IQUB: variants seen among roughly 807,000 people sequenced by gnomAD.
IQUB encodes the protein IQ motif and ubiquitin domain containing.
In IQUB, 86 loss-of-function variants were observed where a neutral mutation model predicts 86.4. That is an observed-to-expected ratio of 1.00 (90% CI 0.84 to 1.19). The LOEUF (loss-of-function observed/expected upper bound fraction) is 1.19. Among genes scored for constraint, IQUB ranks in the 50% most tolerant of loss-of-function variants. The pLI is 0.00. For missense variants in IQUB, 946 were observed against 916.9 expected, an observed-to-expected ratio of 1.03 and a Z score of -0.41; for synonymous variants, 289 against 304.5, an observed-to-expected ratio of 0.95 and a Z score of 0.53.
Position 123,469,214 on chromosome 7 carries a change from C to T in IQUB, c.1581G>A (p.Lys527=). The T allele has an allele frequency of 1.9e-6, 3 of 1,552,322 alleles. No individual in the cohort carries two copies. Among genetic ancestry groups the T allele is most frequent in the Non-Finnish European group, 2.6e-6 (3 of 1,151,784 alleles). Reference sequence around the variant, plus strand: ...CCAAACTAAGAGAAAGTTAACATACCTTTACAGTGTGTTTAAGAGTTAACA... The same window carrying T: ...CCAAACTAAGAGAAAGTTAACATACTTTTACAGTGTGTTTAAGAGTTAACA... ...DVLLTLKHTV[K]EHECKLTQEI... is the part of the protein sequence containing the mutation. The change falls in exon 9 of 13, where the codon AAG becomes AAA. Residue 527 remains lysine, a splice_region_variant and synonymous_variant. Coordinates refer to ENST00000324698, the MANE Select transcript of IQUB (RefSeq NM_178827.5).
intron 11 of IQUB, chr7:123,457,894 T>C (rs1793787652): frequency 5.1e-6 from 1 of 195,898 alleles, no homozygotes; most frequent in Non-Finnish European, 1.0e-5. Flanking sequence ...TTAAAATTCA[T>C]TAGTAAGTAC....
chr7:123,471,649 G>GC (rs138156685), intron 8 of IQUB, among the ~76,000 whole-genome samples: 4,757 of 151,934 alleles, frequency 0.031, 222 homozygotes, highest in African/African-American at 0.1. Context: ...CAAGTTTTTA[G>GC]CCTAACAAAT....
chr7:123,520,615 G>T (rs192745636), intron 1 of IQUB, among the ~76,000 whole-genome samples: 1 of 152,276 alleles, frequency 6.6e-6, no homozygotes, highest in African/African-American at 2.4e-5. Flanking sequence ...AACTTATGTG[G>T]CTAGAGAGCA....
In IQUB at chr7:123,461,396, A is replaced by C. The variant is rs1013021429; in HGVS notation, c.1968T>G (p.Ala656=). 4.4e-6 allele frequency: 7 copies of C among 1,608,798 alleles called. No individual in the cohort carries two copies. The highest frequency in any genetic ancestry group is 6.0e-6 in the Non-Finnish European group (7 of 1,176,210). Residue 656 remains alanine (A), a synonymous_variant, in exon 11 of 13, where the codon GCT becomes GCG. Transcript: ENST00000324698. ...CLLQQLYYTE[A]DYEDDSKIAF... Reference sequence around the variant, plus strand: ...CAATTTTAGAATCATCTTCATAATCAGCTTCTGTATAGTAGAGCTGTTGAA... The same window carrying C: ...CAATTTTAGAATCATCTTCATAATCCGCTTCTGTATAGTAGAGCTGTTGAA...
intron 11 of IQUB, among the ~76,000 whole-genome samples, chr7:123,460,210 A>C (rs1198502976): frequency 6.6e-6 from 1 of 151,906 alleles, no homozygotes; most frequent in African/African-American, 2.4e-5. Flanking sequence ...AATGGAAATA[A>C]TGCCTATTTT....
At chr7:123,522,096 G>C (rs999108451) in intron 1 of IQUB, among the ~76,000 whole-genome samples, 1 of 152,094 alleles carries the variant, frequency 6.6e-6, no homozygotes, top group Admixed American at 6.5e-5. Context: ...CATGACCACT[G>C]TTTACCCAGA....
intron 12 of IQUB, among the ~76,000 whole-genome samples, chr7:123,455,525 C>A (rs1202833101): frequency 1.3e-5 from 2 of 151,926 alleles, no homozygotes; most frequent in Non-Finnish European, 2.9e-5. Flanking sequence ...TTTATTCATG[C>A]CAAAAAAAAC....
chr7:123,522,810 G>T (rs190537293), intron 1 of IQUB, among the ~76,000 whole-genome samples: 8 of 151,022 alleles, frequency 5.3e-5, no homozygotes, highest in Non-Finnish European at 1.0e-4. Flanking sequence ...CCATTAACTC[G>T]TCATCTAGCA....
At chr7:123,459,898 T>TAATC (rs1793902897) in intron 11 of IQUB, 1 of 152,138 alleles carries the variant, frequency 6.6e-6, no homozygotes, top group South Asian at 2.1e-4. Flanking sequence ...ACAAAATATG[T>TAATC]AATCATTTTA....
intron 7 of IQUB, 72 bp from the exon 8 acceptor site, chr7:123,480,042 G>T (rs940931662): frequency 2.6e-6 from 3 of 1,149,500 alleles, no homozygotes; most frequent in African/African-American, 1.6e-5. Flanking sequence ...CTGATGAGGA[G>T]TATTTTATTT....
At chr7:123,465,743 T>A (rs963579220) in intron 9 of IQUB, among the ~76,000 whole-genome samples, 4 of 152,054 alleles carry the variant, frequency 2.6e-5, no homozygotes, top group Non-Finnish European at 5.9e-5. Context: ...ACATAGTTGG[T>A]AAGGCTAATA....
Position 123,502,683 on chromosome 7 carries a change from C to A in IQUB, c.937G>T (p.Val313Leu), listed in dbSNP as rs1256103789. 1 of 1,611,556 alleles carries A rather than the reference C, an allele frequency of 6.2e-7. No individual in the cohort carries two copies. The highest frequency in any genetic ancestry group is 1.1e-5 in the South Asian group (1 of 90,640). ...TTATCAGTCATATTTGATACATATA[C>A]ACCAATGTTAGTCATCTGTGTGGAT... ...TTSTQMTNIG[V>L]YVSNMTDKLV... is the part of the protein sequence containing the mutation. The change falls in exon 6 of 13, where the codon GTA becomes TTA. Residue 313 changes from valine (V) to leucine (L), a missense_variant. Physicochemically the swap from Val to Leu is conservative, Grantham distance 32 (BLOSUM62 1). Coordinates refer to ENST00000324698, the MANE Select transcript of IQUB (RefSeq NM_178827.5).
chr7:123,487,725 C>T (rs910525955), intron 7 of IQUB, among the ~76,000 whole-genome samples: 1 of 152,196 alleles, frequency 6.6e-6, no homozygotes, highest in Non-Finnish European at 1.5e-5. Context: ...ATGGCTACAA[C>T]TTACAAACTT....
intron 8 of IQUB, among the ~76,000 whole-genome samples, chr7:123,473,123 A>C (rs570641879): frequency 9.2e-5 from 14 of 152,318 alleles, no homozygotes; most frequent in African/African-American, 3.4e-4. Flanking sequence ...TTAATTATCA[A>C]GCCCCTAAGG....
intron 10 of IQUB, among the ~76,000 whole-genome samples, chr7:123,462,491 C>A (rs528808004): frequency 1.3e-5 from 2 of 151,832 alleles, no homozygotes; most frequent in East Asian, 3.9e-4. Context: ...CTAAACACTC[C>A]ATCTTCCCAA....
chr7:123,499,732 T>TA (rs1361563437), intron 6 of IQUB, among the ~76,000 whole-genome samples: 1 of 152,110 alleles, frequency 6.6e-6, no homozygotes, highest in Non-Finnish European at 1.5e-5. Flanking sequence ...TTAGTTATGT[T>TA]AAAAAATGTG....
intron 7 of IQUB, among the ~76,000 whole-genome samples, chr7:123,494,266 T>C (rs1177030221): frequency 6.6e-6 from 1 of 151,910 alleles, no homozygotes; most frequent in Non-Finnish European, 1.5e-5. Flanking sequence ...CTAAGTTTAT[T>C]TTCTTAAATT....
intron 6 of IQUB, among the ~76,000 whole-genome samples, chr7:123,499,762 C>A (rs1355890265): frequency 6.6e-6 from 1 of 152,116 alleles, no homozygotes; most frequent in South Asian, 2.1e-4. Context: ...CTGTCAGAGG[C>A]GTGTGAACCA....
chr7:123,523,489 C>T (rs1165777816), intron 1 of IQUB, among the ~76,000 whole-genome samples: 3 of 152,112 alleles, frequency 2.0e-5, no homozygotes, highest in African/African-American at 7.2e-5. Context: ...TTTTTGGCTG[C>T]ATAAATGTCT....
Sources: allele counts gnomAD v4.1 joint callset (sites outside exome capture counted in the v4.1 genomes callset), GRCh38; gene constraint gnomAD v4.1.1; transcripts MANE v1.5; gene names NCBI Gene and HGNC (gene_info 2026-07-23, HGNC 2026-07-21).